DOCK3: variants seen among roughly 807,000 people sequenced by gnomAD.
DOCK3 encodes the protein dedicator of cytokinesis 3.
DOCK3 carries 60 observed loss-of-function variants against 265.6 expected under a neutral mutation model. That is an observed-to-expected ratio of 0.23 (90% CI 0.18 to 0.28). The LOEUF (loss-of-function observed/expected upper bound fraction) is 0.28. Ranked by LOEUF, DOCK3 falls within the 10% of genes least tolerant of loss-of-function variation. The probability of loss-of-function intolerance (pLI) is 1.00; values close to 1 mark genes in which losing one functional copy is unlikely to be tolerated. For missense variants in DOCK3, 1,981 were observed against 2,594.3 expected (o/e 0.76, Z 5.14); for synonymous variants, 881 against 938.0 (o/e 0.94, Z 1.11).
intron 27 of DOCK3, among the ~76,000 whole-genome samples, chr3:51,301,240 G>A (rs993899788): frequency 2.6e-5 from 4 of 152,162 alleles, no homozygotes; most frequent in African/African-American, 9.7e-5. Flanking sequence ...TGCAGGATCA[G>A]TGGTGATATC....
At chr3:51,174,021 C>A (rs1423255140) in intron 12 of DOCK3, among the ~76,000 whole-genome samples, 1 of 152,116 alleles carries the variant, frequency 6.6e-6, no homozygotes, top group African/African-American at 2.4e-5. Context: ...TTTCAAATGA[C>A]CTGTCTTTGA....
intron 1 of DOCK3, among the ~76,000 whole-genome samples, chr3:50,696,234 C>G (rs1453745070): frequency 6.6e-6 from 1 of 152,198 alleles, no homozygotes; most frequent in African/African-American, 2.4e-5. Flanking sequence ...AGAAAAACTT[C>G]AGGGAATGAA....
At chr3:51,256,429 C>T (rs1171152847) in intron 22 of DOCK3, among the ~76,000 whole-genome samples, 1 of 152,018 alleles carries the variant, frequency 6.6e-6, no homozygotes, top group Non-Finnish European at 1.5e-5. Context: ...TGCCACCATG[C>T]CCAGCTAATT....
intron 4 of DOCK3, among the ~76,000 whole-genome samples, chr3:50,902,039 G>A (rs1287819468): frequency 1.3e-5 from 2 of 152,128 alleles, no homozygotes; most frequent in Non-Finnish European, 2.9e-5. Context: ...GGAAATGTCT[G>A]TTCATGTCAT....
intron 1 of DOCK3, among the ~76,000 whole-genome samples, chr3:50,745,545 A>G (rs998665660): frequency 6.6e-6 from 1 of 152,164 alleles, no homozygotes; most frequent in Non-Finnish European, 1.5e-5. Flanking sequence ...GTTGCCGTAA[A>G]TGGAAAGTGA....
At chr3:51,017,890 G>A (rs1477601034) in intron 5 of DOCK3, among the ~76,000 whole-genome samples, 3 of 151,728 alleles carry the variant, frequency 2.0e-5, no homozygotes, top group East Asian at 3.9e-4. Context: ...GGTTTTCTAT[G>A]TCTTTTTCTT....
intron 12 of DOCK3, among the ~76,000 whole-genome samples, chr3:51,196,307 A>G (rs370873665): frequency 7.5e-4 from 114 of 152,148 alleles, no homozygotes; most frequent in African/African-American, 2.7e-3. Context: ...TGAATAGATG[A>G]TTATCTCTTG....
chr3:51,249,732 TGAG>T (rs1449302263), intron 22 of DOCK3, among the ~76,000 whole-genome samples: 69 of 134,312 alleles, frequency 5.1e-4, no homozygotes, highest in African/African-American at 1.9e-3. Context: ...TACTGGAAAG[TGAG>T]GAGCCCCTCT....
intron 27 of DOCK3, among the ~76,000 whole-genome samples, chr3:51,287,082 A>T (rs2109080858): frequency 6.6e-6 from 1 of 152,344 alleles, no homozygotes; most frequent in Middle Eastern, 3.4e-3. Context: ...CAAAGGTCTG[A>T]TAACCAGAAT....
At position 51,383,212 on chromosome 3, in the gene DOCK3, G is replaced by A. The variant is rs2088772669; in HGVS notation, c.*1653G>A. On this transcript the variant is annotated 3_prime_UTR_variant, in exon 53 of 53. Coordinates refer to ENST00000266037, the MANE Select transcript of DOCK3 (RefSeq NM_004947.5). ...TAACAGAAATGCTAATAACCTACTG[G>A]GAAAGATGGAGGTCTAAATTACCTC... The A allele has an allele frequency of 6.6e-6, 1 of 152,410 alleles. No individual in the cohort carries two copies. 9.4% of individuals were successfully genotyped at this position (152,410 alleles called of 1,614,324 possible).
intron 2 of DOCK3, among the ~76,000 whole-genome samples, chr3:50,831,217 A>T (rs1478117396): frequency 1.8e-5 from 1 of 55,196 alleles, no homozygotes. Context: ...TTATTTATTT[A>T]TTTATTTATT....
In DOCK3 at chr3:51,214,128, T is replaced by C. The variant is rs1467222326; in HGVS notation, c.1133T>C (p.Ile378Thr). The C allele has an allele frequency of 9.3e-6, 15 of 1,613,724 alleles. No homozygotes were observed. The highest frequency in any genetic ancestry group is 1.7e-5 in the Admixed American group (1 of 59,958). The change falls in exon 14 of 53, where the codon ATC (isoleucine) becomes ACC (threonine). Residue 378 changes from isoleucine (I) to threonine (T), a missense_variant. By Grantham distance (89) the Ile-to-Thr change is moderately conservative (BLOSUM62 -1). This residue lies in a region of DOCK3 where 456 missense variants were observed against 539.0 expected (regional missense o/e 0.85). Coordinates refer to ENST00000266037, the MANE Select transcript of DOCK3 (RefSeq NM_004947.5). ...AATGCTTTTGTTTTTGCAGGTCTTA[T>C]CATTTCTCTGCAGCTTCTTCGTGGA... The part of the protein sequence containing the change: ...YSAPSASHGL[I>T]ISLQLLRGDM...
intron 2 of DOCK3, among the ~76,000 whole-genome samples, chr3:50,836,540 A>C (rs2045522836): frequency 6.6e-6 from 1 of 152,176 alleles, no homozygotes; most frequent in African/African-American, 2.4e-5. Context: ...CAGGGCACCA[A>C]GTCCTTAGGC....
intron 12 of DOCK3, among the ~76,000 whole-genome samples, chr3:51,192,661 A>C (rs184245955): frequency 1.3e-5 from 2 of 152,092 alleles, no homozygotes; most frequent in Non-Finnish European, 2.9e-5. Context: ...TCACAGGTTG[A>C]GAGAAGCTCC....
chr3:51,328,362 A>C (rs544763286), intron 32 of DOCK3, among the ~76,000 whole-genome samples: 2 of 152,290 alleles, frequency 1.3e-5, no homozygotes, highest in East Asian at 3.9e-4. Flanking sequence ...TTTAGCCAGC[A>C]GGTTGACCCA....
intron 1 of DOCK3, among the ~76,000 whole-genome samples, chr3:50,724,706 G>A (rs1483718355): frequency 2.0e-5 from 3 of 152,222 alleles, no homozygotes. Flanking sequence ...GTCTGGGGGA[G>A]GGATAGCATT....
chr3:51,278,859 A>G (rs1191812459), intron 26 of DOCK3, among the ~76,000 whole-genome samples: 2 of 152,114 alleles, frequency 1.3e-5, no homozygotes, highest in Non-Finnish European at 2.9e-5. Flanking sequence ...ACATTAACCC[A>G]TCTGACCCTC....
intron 5 of DOCK3, among the ~76,000 whole-genome samples, chr3:50,992,517 G>A (rs986768493): frequency 2.6e-5 from 4 of 152,134 alleles, no homozygotes; most frequent in Non-Finnish European, 5.9e-5. Flanking sequence ...GGCTGGTCTC[G>A]AACTCCTGAC....
intron 3 of DOCK3, among the ~76,000 whole-genome samples, chr3:50,856,010 G>A (rs1278168783): frequency 1.3e-5 from 2 of 152,152 alleles, no homozygotes; most frequent in African/African-American, 4.8e-5. Flanking sequence ...TGCAAAGGAC[G>A]TGATCTCATT....
Sources: allele counts gnomAD v4.1 joint callset (sites outside exome capture counted in the v4.1 genomes callset), GRCh38; gene constraint gnomAD v4.1.1; regional missense constraint gnomAD v4.1.1; transcripts MANE v1.5; gene names NCBI Gene and HGNC (gene_info 2026-07-23, HGNC 2026-07-21).